The following PELI2 variants were observed in gnomAD, a reference collection of about 807,000 sequenced individuals.
PELI2 encodes pellino E3 ubiquitin protein ligase family member 2.
A neutral mutation model predicts 42.3 loss-of-function variants in PELI2; 23 were observed. That is an observed-to-expected ratio of 0.54 (90% CI 0.39 to 0.77). The LOEUF (loss-of-function observed/expected upper bound fraction) is 0.77. Ranked by LOEUF, PELI2 falls within the 30% of genes least tolerant of loss-of-function variation. The probability of loss-of-function intolerance (pLI) is 0.00; values close to 1 mark genes in which losing one functional copy is unlikely to be tolerated. For missense variants in PELI2, 463 were observed against 553.2 expected (o/e 0.84, Z 1.64); for synonymous variants, 245 against 212.2 (o/e 1.15, Z -1.34).
At chr14:56,225,385 G>A (rs957225894) in intron 2 of PELI2, among the ~76,000 whole-genome samples, 2 of 152,194 alleles carry the variant, frequency 1.3e-5, no homozygotes, top group African/African-American at 4.8e-5. Context: ...ACTACCAGGA[G>A]TGATGCGACC....
chr14:56,247,923 A>G (rs1301038663), intron 2 of PELI2, among the ~76,000 whole-genome samples: 2 of 152,228 alleles, frequency 1.3e-5, no homozygotes, highest in African/African-American at 4.8e-5. Context: ...AACTTGAAAT[A>G]TAAACGACAG....
chr14:56,271,551 A>G (rs1044992046), intron 2 of PELI2, among the ~76,000 whole-genome samples: 2 of 152,310 alleles, frequency 1.3e-5, no homozygotes, highest in South Asian at 4.1e-4. Flanking sequence ...TAAATTACCA[A>G]TTAGATTTAA....
chr14:56,291,641 A>G (rs972582130), intron 5 of PELI2, among the ~76,000 whole-genome samples: 1 of 152,244 alleles, frequency 6.6e-6, no homozygotes, highest in African/African-American at 2.4e-5. Flanking sequence ...GTTTTATACA[A>G]AACTGACCTA....
chr14:56,245,663 A>C lies in PELI2; in HGVS notation c.208-34013A>C, dbSNP rs896313389. Among the ~76,000 whole-genome samples the C allele has an allele frequency of 2.6e-5, 4 of 152,174 alleles. No homozygotes were observed. The East Asian group carries it at 5.8e-4, about 22-fold the overall frequency. On this transcript the variant is annotated intron_variant, in intron 2 of 5. Transcript: ENST00000267460. Reference sequence around the variant, plus strand: ...AAAATGAGAATAGCCAGATAGTTTTACTAGTCAAAATAGCAATACTACAAC... The same window carrying C: ...AAAATGAGAATAGCCAGATAGTTTTCCTAGTCAAAATAGCAATACTACAAC...
chr14:56,120,673 C>A (rs1011362402), intron 1 of PELI2, among the ~76,000 whole-genome samples: 5 of 152,152 alleles, frequency 3.3e-5, no homozygotes, highest in African/African-American at 1.2e-4. Flanking sequence ...AGGGAACTTT[C>A]CTTTTAGAGT....
At chr14:56,126,333 T>C (rs1883258639) in intron 1 of PELI2, among the ~76,000 whole-genome samples, 1 of 152,236 alleles carries the variant, frequency 6.6e-6, no homozygotes, top group Non-Finnish European at 1.5e-5. Context: ...GGGGGCATTT[T>C]CAGCAGCAGG....
rs1566687175 is a variant in PELI2 at position 56,290,300 on chromosome 14, C to T, written c.540C>T (p.Gly180=). The change falls in exon 5 of 6, where the codon GGC becomes GGT. Residue 180 remains glycine, a synonymous_variant. Coordinates refer to ENST00000267460, the MANE Select transcript of PELI2 (RefSeq NM_021255.3). ...CAGCAAAGTGGAAAAACCCCGACGG[C>T]CACATGGATGGGCTCACTACTAATG... ...EKAAKWKNPD[G]HMDGLTTNGV... is the part of the protein sequence containing the mutation. 1 of 1,602,196 alleles carries T rather than the reference C, an allele frequency of 6.2e-7. No homozygotes were observed. The highest frequency in any genetic ancestry group is 8.5e-7 in the Non-Finnish European group (1 of 1,171,484).
At chr14:56,120,402 G>GT (rs1261477696) in intron 1 of PELI2, among the ~76,000 whole-genome samples, 1 of 152,182 alleles carries the variant, frequency 6.6e-6, no homozygotes, top group African/African-American at 2.4e-5. Context: ...GCCTGGAGAG[G>GT]TTTTGTGTTC....
chr14:56,138,101 G>A (rs1165940413), intron 1 of PELI2, among the ~76,000 whole-genome samples: 2 of 152,188 alleles, frequency 1.3e-5, no homozygotes, highest in East Asian at 1.9e-4. Flanking sequence ...TCCCCAGCCC[G>A]CTCTCGCTGC....
rs535842225 is a variant in PELI2 at position 56,150,417 on chromosome 14, G to T, written c.78-27918G>T. Among the ~76,000 whole-genome samples the T allele has an allele frequency of 1.3e-4, 19 of 151,886 alleles. 1 individual carries two copies. The highest frequency in any genetic ancestry group is 1.2e-3 in the East Asian group (6 of 5,172). ...CCATTTTCTATTAGCCATATGTTTG[G>T]TTTTTTGAAAAATTATTTTTAAGTA... On this transcript the variant is annotated intron_variant, in intron 1 of 5. Transcript: ENST00000267460.
intron 2 of PELI2, among the ~76,000 whole-genome samples, chr14:56,275,456 G>C (rs1033182961): frequency 6.6e-6 from 1 of 152,112 alleles, no homozygotes; most frequent in African/African-American, 2.4e-5. Flanking sequence ...AGAATCAGTG[G>C]GAGCCCTGAG....
chr14:56,126,056 T>C (rs1883246760), intron 1 of PELI2, among the ~76,000 whole-genome samples: 1 of 152,212 alleles, frequency 6.6e-6, no homozygotes, highest in Non-Finnish European at 1.5e-5. Flanking sequence ...AAACTAAACA[T>C]GTGCTTTACT....
Position 56,230,964 on chromosome 14 carries a change from T to G in PELI2, c.208-48712T>G, listed in dbSNP as rs574992104. 2.0e-5 allele frequency among the ~76,000 whole-genome samples: 3 copies of G among 152,220 alleles called. No homozygotes were observed. In the East Asian group the frequency reaches 5.8e-4, roughly 29 times the overall value. On this transcript the variant is annotated intron_variant, in intron 2 of 5. Coordinates refer to ENST00000267460, the MANE Select transcript of PELI2 (RefSeq NM_021255.3). ...AAAGGCAGGGGTTGCAATCCTAGTCTCTGATAAAACAGACTTTAAACCAAC... is the reference window on the plus strand; with the variant it reads ...AAAGGCAGGGGTTGCAATCCTAGTCGCTGATAAAACAGACTTTAAACCAAC...
intron 1 of PELI2, among the ~76,000 whole-genome samples, chr14:56,135,466 A>C (rs1164841885): frequency 2.0e-5 from 3 of 152,240 alleles, no homozygotes; most frequent in Non-Finnish European, 4.4e-5. Flanking sequence ...ATTTTCTCTG[A>C]TAAATAATCC....
intron 1 of PELI2, among the ~76,000 whole-genome samples, chr14:56,168,700 A>G (rs960290011): frequency 6.6e-5 from 10 of 151,966 alleles, no homozygotes; most frequent in South Asian, 2.1e-4. Flanking sequence ...GTGCAAGACA[A>G]AGTGCCCTTT....
intron 2 of PELI2, among the ~76,000 whole-genome samples, chr14:56,236,277 G>T (rs1319786136): frequency 6.6e-6 from 1 of 152,148 alleles, no homozygotes; most frequent in East Asian, 1.9e-4. Flanking sequence ...TTCTAGCTAC[G>T]GCTCTTTGTG....
At chr14:56,226,078 AAAAAAAAG>A (rs1325077974) in intron 2 of PELI2, among the ~76,000 whole-genome samples, 1 of 151,670 alleles carries the variant, frequency 6.6e-6, no homozygotes, top group Admixed American at 6.6e-5. Flanking sequence ...CAAACAGGAA[AAAAAAAAG>A]AAGAAGAAGA....
In PELI2 at chr14:56,300,052, T is replaced by G. The variant is rs537664642; in HGVS notation, c.*2886T>G. ...CAGCTTTTAGCAAAAAGGGCTACAGTTCACCCTGCAGAGTATTAAGGTTTC... is the reference window on the plus strand; with the variant it reads ...CAGCTTTTAGCAAAAAGGGCTACAGGTCACCCTGCAGAGTATTAAGGTTTC... On this transcript the variant is annotated 3_prime_UTR_variant, in exon 6 of 6. Transcript: ENST00000267460. 7 of 152,760 alleles carry G rather than the reference T, an allele frequency of 4.6e-5. No homozygotes were observed. In the South Asian group the frequency reaches 1.4e-3, roughly 32 times the overall value. The allele number at this position is 152,760 out of a possible 1,614,324, so 9.5% of individuals were successfully genotyped here. A position where few individuals can be genotyped will look rare whatever the true frequency, so the allele number is the denominator to read the frequency against.
At chr14:56,143,984 G>A (rs950183839) in intron 1 of PELI2, among the ~76,000 whole-genome samples, 25 of 152,056 alleles carry the variant, frequency 1.6e-4, no homozygotes, top group African/African-American at 6.0e-4. Flanking sequence ...TGGAGAGCTA[G>A]GAAAAACATG....
Sources: gnomAD v4.1 joint callset for allele counts (sites outside exome capture counted in the v4.1 genomes callset) on GRCh38, gnomAD v4.1.1 for gene constraint, MANE v1.5 for transcripts, NCBI Gene and HGNC (gene_info 2026-07-23, HGNC 2026-07-21) for gene names.